PIEZO2: variants seen among roughly 807,000 people sequenced by gnomAD.
PIEZO2 encodes the protein piezo-type mechanosensitive ion channel component 2.
A neutral mutation model predicts 337.3 loss-of-function variants in PIEZO2; 172 were observed. The ratio of observed to expected loss-of-function variants is 0.51; its 90% CI spans 0.45 to 0.58. The LOEUF is 0.58. PIEZO2 is among the 20% of genes least tolerant of loss of function. The probability of loss-of-function intolerance (pLI) is 0.00; values close to 1 mark genes in which losing one functional copy is unlikely to be tolerated. For synonymous variants in PIEZO2, 1,251 were observed against 1,228.5 expected (o/e 1.02, Z -0.38); for missense variants, 3,028 against 3,391.3 (o/e 0.89, Z 2.66).
intron 1 of PIEZO2, among the ~76,000 whole-genome samples, chr18:11,089,743 G>A (rs993265922): frequency 6.6e-6 from 1 of 152,158 alleles, no homozygotes; most frequent in Non-Finnish European, 1.5e-5. Flanking sequence ...GCTTTGCAGG[G>A]GTCCTCAGGA....
intron 23 of PIEZO2, among the ~76,000 whole-genome samples, chr18:10,761,726 T>C (rs928246074): frequency 1.3e-5 from 2 of 152,230 alleles, no homozygotes; most frequent in Admixed American, 1.3e-4. Context: ...TGGTGGGTAC[T>C]GGTACAAAAG....
At chr18:10,964,961 AT>A (rs1284680520) in intron 3 of PIEZO2, among the ~76,000 whole-genome samples, 2 of 152,186 alleles carry the variant, frequency 1.3e-5, no homozygotes, top group Non-Finnish European at 2.9e-5. Context: ...ATATTCATAT[AT>A]TTTTTATGTA....
In PIEZO2 at chr18:11,092,675, T is replaced by C. The variant is rs2039130476; in HGVS notation, c.65-26453A>G. On this transcript the variant is annotated intron_variant, in intron 1 of 55. Transcript: ENST00000674853. This position sits in a 1 kb window ranked among gnomAD's most constrained non-coding sequence, Gnocchi z 4.5. ...GCAACCTGATCCAAACCTTGGATCC[T>C]GAAAAATGTGAACAAAAAGAGCTTT... Among the ~76,000 whole-genome samples, 2 of 152,152 alleles carry C rather than the reference T, an allele frequency of 1.3e-5. No individual in the cohort carries two copies. Among genetic ancestry groups the C allele is most frequent in the African/African-American group, 4.8e-5 (2 of 41,440 alleles).
At position 10,789,091 on chromosome 18, in the gene PIEZO2, C is replaced by T. The variant is rs1438401213; in HGVS notation, c.2157G>A (p.Val719=). 6.5e-7 allele frequency: 1 copy of T among 1,536,808 alleles called. No homozygotes were observed. Among genetic ancestry groups the T allele is most frequent in the Non-Finnish European group, 8.7e-7 (1 of 1,146,636 alleles). ...ACTGTGTACCTACCTGGTATAGGGCCACACAGAACAGGAACAGCACCATGT... is the reference window on the plus strand; with the variant it reads ...ACTGTGTACCTACCTGGTATAGGGCTACACAGAACAGGAACAGCACCATGT... ...IIYMVLFLFC[V]ALYQVHYEWW... Residue 719 remains valine (V), a synonymous_variant, in exon 15 of 56, where the codon GTG becomes GTA. Coordinates refer to ENST00000674853, the MANE Select transcript of PIEZO2 (RefSeq NM_001378183.1).
In PIEZO2 at chr18:10,801,109, G is replaced by A. The variant is rs903992739; in HGVS notation, c.1239+281C>T. Among the ~76,000 whole-genome samples the A allele has an allele frequency of 2.2e-4, 34 of 152,290 alleles. 1 individual carries two copies. Among genetic ancestry groups the A allele is most frequent in the African/African-American group, 7.5e-4 (31 of 41,556 alleles). ...CCCACCAATACACAGGTGTATGTGC[G>A]CCCATGGGCATGCAAAACTTCCTAC... On this transcript the variant is annotated intron_variant, in intron 10 of 55. Coordinates refer to ENST00000674853, the MANE Select transcript of PIEZO2 (RefSeq NM_001378183.1).
At chr18:11,075,623 T>A (rs1204425534) in intron 1 of PIEZO2, among the ~76,000 whole-genome samples, 1 of 152,166 alleles carries the variant, frequency 6.6e-6, no homozygotes, top group African/African-American at 2.4e-5. Context: ...ACAAAAATTA[T>A]TTCTTCAAGA....
intron 2 of PIEZO2, among the ~76,000 whole-genome samples, chr18:11,011,566 T>G (rs1002465797): frequency 2.6e-5 from 4 of 152,244 alleles, no homozygotes; most frequent in African/African-American, 9.6e-5. Context: ...TGCTTTAATA[T>G]TCTTAAATAG....
chr18:10,779,458 G>C (rs901495009), intron 18 of PIEZO2, among the ~76,000 whole-genome samples: 1 of 152,156 alleles, frequency 6.6e-6, no homozygotes, highest in South Asian at 2.1e-4. Context: ...CCTATTGCAC[G>C]ACATTTATCA....
rs1054089299 is a variant in PIEZO2, at chr18:11,096,330, G to A, written c.65-30108C>T. On this transcript the variant is annotated intron_variant, in intron 1 of 55. Transcript: ENST00000674853. This position sits in a 1 kb window ranked among gnomAD's most constrained non-coding sequence, Gnocchi z 4.6. ...ACCAAATACCATTTCATTGGCTTCT[G>A]TGATAATTTGCTTGGCTTTGAATGC... is the stretch of plus-strand genomic sequence containing the variant. Among the ~76,000 whole-genome samples the A allele has an allele frequency of 1.3e-5, 2 of 152,232 alleles. No individual in the cohort carries two copies. Among genetic ancestry groups the A allele is most frequent in the African/African-American group, 4.8e-5 (2 of 41,460 alleles).
chr18:10,818,264 A>G (rs1169804788), intron 7 of PIEZO2, among the ~76,000 whole-genome samples: 2 of 152,206 alleles, frequency 1.3e-5, no homozygotes, highest in African/African-American at 4.8e-5. Context: ...TTAACCTTCA[A>G]TGATGTTGAA....
intron 1 of PIEZO2, among the ~76,000 whole-genome samples, chr18:11,137,759 A>G (rs546685350): frequency 6.6e-6 from 1 of 152,310 alleles, no homozygotes; most frequent in African/African-American, 2.4e-5. Flanking sequence ...GTTCAAGATT[A>G]CCAGCTTGCT....
intron 36 of PIEZO2, chr18:10,728,176 T>G (rs540450745): frequency 6.5e-6 from 1 of 152,772 alleles, no homozygotes; most frequent in South Asian, 2.1e-4. Flanking sequence ...AAAAGCCATT[T>G]GTCATCCTTA....
chr18:10,782,258 A>G (rs2039018133), intron 17 of PIEZO2, among the ~76,000 whole-genome samples: 1 of 100,262 alleles, frequency 1.0e-5, no homozygotes, highest in African/African-American at 3.8e-5. Flanking sequence ...GATATATTAT[A>G]TTATTATATG....
intron 1 of PIEZO2, among the ~76,000 whole-genome samples, chr18:11,147,298 C>G (rs1312327776): frequency 2.0e-5 from 3 of 152,132 alleles, no homozygotes; most frequent in African/African-American, 7.2e-5. Flanking sequence ...CGGGACCCCG[C>G]CTGGCCACAC....
intron 2 of PIEZO2, among the ~76,000 whole-genome samples, chr18:11,007,755 A>C (rs1374956645): frequency 1.4e-4 from 21 of 152,334 alleles, no homozygotes; most frequent in African/African-American, 4.8e-4. Flanking sequence ...AAAAATTTCA[A>C]CCAAAACTTC....
At chr18:10,839,478 T>G (rs1340953517) in intron 7 of PIEZO2, among the ~76,000 whole-genome samples, 1 of 152,226 alleles carries the variant, frequency 6.6e-6, no homozygotes, top group East Asian at 1.9e-4. Flanking sequence ...GAATGGTTTT[T>G]GGCAACTAGC....
Position 11,129,217 on chromosome 18 carries a change from G to A in PIEZO2, c.64+19308C>T, listed in dbSNP as rs1482266143. Among the ~76,000 whole-genome samples, 2 of 152,086 alleles carry A rather than the reference G, an allele frequency of 1.3e-5. No homozygotes were observed. Among genetic ancestry groups the A allele is most frequent in the Non-Finnish European group, 2.9e-5 (2 of 68,014 alleles). ...AATGCCTTGTGAAACAGATTTGTGA[G>A]GGCAGCACCTGCATCTTTGGAACCA... On this transcript the variant is annotated intron_variant, in intron 1 of 55. Coordinates refer to ENST00000674853, the MANE Select transcript of PIEZO2 (RefSeq NM_001378183.1). This position sits in a 1 kb window ranked among gnomAD's most constrained non-coding sequence, Gnocchi z 4.6.
chr18:10,994,641 C>T lies in PIEZO2; in HGVS notation c.161-14981G>A, dbSNP rs375679566. Among the ~76,000 whole-genome samples the T allele has an allele frequency of 4.0e-5, 6 of 151,130 alleles. No individual in the cohort carries two copies. In the South Asian group the frequency reaches 1.0e-3, roughly 26 times the overall value. On this transcript the variant is annotated intron_variant, in intron 2 of 55. Transcript: ENST00000674853. ...GTCAGGCTGGTCTCAAACTCCTGAC[C>T]TCGTGATCTACCCGCCTCAGCCTCC...
intron 2 of PIEZO2, among the ~76,000 whole-genome samples, chr18:11,013,126 G>A (rs766173128): frequency 6.6e-6 from 1 of 152,202 alleles, no homozygotes; most frequent in African/African-American, 2.4e-5. Flanking sequence ...CTGTGAATAT[G>A]TTACTTTACA....
Sources: gnomAD v4.1 joint callset for allele counts (sites outside exome capture counted in the v4.1 genomes callset) on GRCh38, gnomAD v4.1.1 for gene constraint, Gnocchi (gnomAD v3.1) non-coding constraint, MANE v1.5 for transcripts, NCBI Gene and HGNC (gene_info 2026-07-23, HGNC 2026-07-21) for gene names.